The following CSMD1 variants were observed in gnomAD, a reference collection of about 807,000 sequenced individuals.
The protein encoded by CSMD1 is CUB and sushi domain-containing protein 1.
CSMD1 carries 213 observed loss-of-function variants against 417.5 expected under a neutral mutation model. That is an observed-to-expected ratio of 0.51 (90% CI 0.46 to 0.57). CSMD1 has a LOEUF of 0.57. CSMD1 is among the 20% of genes least tolerant of loss of function. The pLI is 0.00. For missense variants in CSMD1, 6,923 were observed against 4,529.7 expected (o/e 1.53, Z -15.17); for synonymous variants, 2,862 against 1,736.8 (o/e 1.65, Z -16.11).
chr8:4,952,644 G>A (rs934542863), intron 1 of CSMD1, among the ~76,000 whole-genome samples: 5 of 152,016 alleles, frequency 3.3e-5, no homozygotes, highest in African/African-American at 1.2e-4. Context: ...GATTGTGGTA[G>A]AGGTTCAAAT....
At chr8:3,309,250 C>T (rs546329747) in intron 23 of CSMD1, among the ~76,000 whole-genome samples, 2 of 152,242 alleles carry the variant, frequency 1.3e-5, no homozygotes, top group South Asian at 4.2e-4. Flanking sequence ...GCACTTATTC[C>T]AGCCCATTGT....
At chr8:4,527,736 T>A (rs1796591712) in intron 2 of CSMD1, among the ~76,000 whole-genome samples, 1 of 152,210 alleles carries the variant, frequency 6.6e-6, no homozygotes, top group Non-Finnish European at 1.5e-5. Context: ...AAATGCATCA[T>A]ATACATGACT....
intron 54 of CSMD1, among the ~76,000 whole-genome samples, chr8:2,981,746 G>T (rs113574149): frequency 1.2e-3 from 179 of 152,330 alleles, no homozygotes; most frequent in African/African-American, 4.2e-3. Context: ...CGAAAGCTGG[G>T]TATGTGGAAA....
At chr8:2,998,347 G>A (rs1164788136) in intron 53 of CSMD1, among the ~76,000 whole-genome samples, 163 bp from the exon 54 acceptor site, 1 of 152,180 alleles carries the variant, frequency 6.6e-6, no homozygotes, top group Admixed American at 6.5e-5. Context: ...AGGGAATATT[G>A]GGAGCTACAA....
intron 1 of CSMD1, among the ~76,000 whole-genome samples, chr8:4,991,685 G>T (rs4618719): frequency 0.42 from 63,948 of 151,980 alleles, 13,990 homozygotes; most frequent in Non-Finnish European, 0.47. Flanking sequence ...GCCCAGCGCC[G>T]ACGCCCCCGG....
intron 1 of CSMD1, among the ~76,000 whole-genome samples, chr8:4,782,892 T>C (rs1227684404): frequency 6.6e-6 from 1 of 151,986 alleles, no homozygotes; most frequent in Non-Finnish European, 1.5e-5. Context: ...TACATGTTTT[T>C]TGGAGGCAGA....
intron 7 of CSMD1, among the ~76,000 whole-genome samples, chr8:3,636,267 T>C (rs901281240): frequency 1.3e-5 from 2 of 152,166 alleles, no homozygotes; most frequent in Non-Finnish European, 2.9e-5. Flanking sequence ...TGCCTTCTTC[T>C]GGAATCCCTC....
chr8:4,028,798 T>A (rs773908945), intron 4 of CSMD1, among the ~76,000 whole-genome samples: 1 of 152,256 alleles, frequency 6.6e-6, no homozygotes, highest in Non-Finnish European at 1.5e-5. Flanking sequence ...TTTAGCAAAT[T>A]TTCTGGCATC....
chr8:4,646,699 G>A (rs1022383808), intron 1 of CSMD1, among the ~76,000 whole-genome samples: 2 of 152,150 alleles, frequency 1.3e-5, no homozygotes, highest in African/African-American at 4.8e-5. Context: ...CTATTTTAAT[G>A]CTTAGTAGAG....
At chr8:4,191,671 G>C (rs746332776) in intron 3 of CSMD1, among the ~76,000 whole-genome samples, 12 of 147,236 alleles carry the variant, frequency 8.2e-5, no homozygotes, top group Non-Finnish European at 7.4e-5. Context: ...AAATTCATCA[G>C]ATTGATTTCA....
At chr8:3,528,923 A>C (rs534654193) in intron 10 of CSMD1, among the ~76,000 whole-genome samples, 11 of 151,714 alleles carry the variant, frequency 7.3e-5, no homozygotes, top group Admixed American at 2.0e-4. Flanking sequence ...AAATATGATA[A>C]ATAATATAAT....
chr8:3,502,364 CAAAAAAAA>C (rs371588108), intron 10 of CSMD1, among the ~76,000 whole-genome samples: 1 of 109,180 alleles, frequency 9.2e-6, no homozygotes, highest in Non-Finnish European at 1.8e-5. Flanking sequence ...GACTTCATCT[CAAAAAAAA>C]AAAAAAAAAG....
chr8:3,182,089 G>C (rs755206748), intron 36 of CSMD1, among the ~76,000 whole-genome samples: 1 of 152,148 alleles, frequency 6.6e-6, no homozygotes, highest in East Asian at 1.9e-4. Flanking sequence ...CCACAGTGTA[G>C]ATAAATTATT....
At chr8:4,084,915 A>C (rs1282855548) in intron 3 of CSMD1, among the ~76,000 whole-genome samples, 2 of 151,936 alleles carry the variant, frequency 1.3e-5, no homozygotes, top group Non-Finnish European at 1.5e-5. Flanking sequence ...CAAAAACAAA[A>C]ACAAAACTAC....
chr8:4,918,905 A>T (rs6980669), intron 1 of CSMD1, among the ~76,000 whole-genome samples: 58,795 of 151,814 alleles, frequency 0.39, 13,809 homozygotes, highest in East Asian at 0.82. Flanking sequence ...AGTGAGTTTT[A>T]AAAAAAGTAG....
At chr8:4,029,434 G>T (rs142766214) in intron 4 of CSMD1, among the ~76,000 whole-genome samples, 11 of 152,116 alleles carry the variant, frequency 7.2e-5, no homozygotes, top group Non-Finnish European at 1.3e-4. Flanking sequence ...CGTCTTATAT[G>T]GATAGCAGCA....
intron 3 of CSMD1, among the ~76,000 whole-genome samples, chr8:4,168,786 C>G (rs775309974): frequency 1.3e-5 from 2 of 152,060 alleles, no homozygotes; most frequent in Non-Finnish European, 2.9e-5. Flanking sequence ...ATAAAACTCT[C>G]CTCTTCCCTT....
At chr8:3,482,042 T>C (rs1222646272) in intron 11 of CSMD1, among the ~76,000 whole-genome samples, 2 of 151,816 alleles carry the variant, frequency 1.3e-5, no homozygotes, top group African/African-American at 2.4e-5. Context: ...AAGAAATACA[T>C]GAAATATACC....
At chr8:4,021,128 G>A (rs1171804820) in intron 4 of CSMD1, among the ~76,000 whole-genome samples, 2 of 152,194 alleles carry the variant, frequency 1.3e-5, no homozygotes, top group South Asian at 2.1e-4. Context: ...GCTCAATACA[G>A]TAGCCTGAAG....
Sources: gnomAD v4.1 joint callset for allele counts (sites outside exome capture counted in the v4.1 genomes callset) on GRCh38, gnomAD v4.1.1 for gene constraint, MANE v1.5 for transcripts, NCBI Gene and HGNC (gene_info 2026-07-23, HGNC 2026-07-21) for gene names.